The following GRM7 variants were observed in gnomAD, a reference collection of about 807,000 sequenced individuals.
GRM7 encodes the protein metabotropic glutamate receptor 7.
A neutral mutation model predicts 84.5 loss-of-function variants in GRM7; 35 were observed. The observed-to-expected ratio is 0.41, with a 90% CI of 0.32 to 0.55. The LOEUF (loss-of-function observed/expected upper bound fraction) is 0.55. Among genes scored for constraint, GRM7 ranks in the 20% least tolerant of loss-of-function variants. GRM7 has a pLI of 0.19. For synonymous variants in GRM7, 487 were observed against 455.1 expected (o/e 1.07, Z -0.89); for missense variants, 1,003 against 1,194.6 (o/e 0.84, Z 2.36).
chr3:6,934,953 A>G (rs1199851343), intron 1 of GRM7, among the ~76,000 whole-genome samples: 4 of 152,226 alleles, frequency 2.6e-5, no homozygotes, highest in African/African-American at 9.6e-5. Context: ...CAAGGTTCTC[A>G]GTGAACACTA....
chr3:7,103,806 C>CTT (rs754548402), intron 1 of GRM7, among the ~76,000 whole-genome samples: 1 of 108,038 alleles, frequency 9.3e-6, no homozygotes, highest in South Asian at 2.9e-4. Flanking sequence ...TTCTTTCTTT[C>CTT]TTTCTTTCTT....
chr3:7,385,289 A>ATTTTTTTTTTTTTTTTTT lies in GRM7; in HGVS notation c.1034-29722_1034-29705dup, dbSNP rs574917994. On this transcript the variant is annotated intron_variant, in intron 4 of 9. Coordinates refer to ENST00000357716, the MANE Select transcript of GRM7 (RefSeq NM_000844.4). Reference sequence around the variant, plus strand: ...TTTGTGGAATCTTATTTCTATATGGATTTTTTTTTTTTTTTTTTTTTTTTT... The same window carrying ATTTTTTTTTTTTTTTTTT: ...TTTGTGGAATCTTATTTCTATATGGATTTTTTTTTTTTTTTTTTTTTTTTTTTTTTTTTTTTTTTTTTT... Among the ~76,000 whole-genome samples, 3 of 67,262 alleles carry ATTTTTTTTTTTTTTTTTT rather than the reference A, an allele frequency of 4.5e-5. 1 individual carries two copies. Among genetic ancestry groups the ATTTTTTTTTTTTTTTTTT allele is most frequent in the Admixed American group, 4.9e-4 (2 of 4,064 alleles). The allele number at this position is 67,262 out of a possible 152,430, so 44.1% of individuals were successfully genotyped here.
chr3:7,469,100 G>C (rs912727025), intron 7 of GRM7, among the ~76,000 whole-genome samples: 2 of 152,106 alleles, frequency 1.3e-5, no homozygotes, highest in Admixed American at 1.3e-4. Flanking sequence ...AGGATAACTA[G>C]GTAAACAGAC....
intron 1 of GRM7, among the ~76,000 whole-genome samples, chr3:7,016,353 G>T (rs944101835): frequency 6.6e-6 from 1 of 152,312 alleles, no homozygotes; most frequent in African/African-American, 2.4e-5. Context: ...AGAGATAGGA[G>T]ATCAGTTTGA....
rs571326784 is a variant in GRM7 at position 7,208,972 on chromosome 3, C to G, written c.736+62304C>G. Among the ~76,000 whole-genome samples the G allele has an allele frequency of 2.0e-5, 3 of 152,274 alleles. No individual in the cohort carries two copies. The South Asian group carries it at 6.2e-4, about 32-fold the overall frequency. ...CCTTGACTTACGATGGGATTATGTC[C>G]TGATAAAACCATCATAAGTTGAAAA... On this transcript the variant is annotated intron_variant, in intron 2 of 9. Transcript: ENST00000357716.
chr3:7,353,075 G>C (rs1333829632), intron 4 of GRM7, among the ~76,000 whole-genome samples: 1 of 152,052 alleles, frequency 6.6e-6, no homozygotes, highest in East Asian at 1.9e-4. Context: ...GGCTGTGTAT[G>C]TGCAGTAGTG....
chr3:7,502,742 C>A (rs1444178771), intron 7 of GRM7, among the ~76,000 whole-genome samples: 2 of 152,118 alleles, frequency 1.3e-5, no homozygotes, highest in Admixed American at 1.3e-4. Context: ...CACTAAAATC[C>A]TTCTCTACTG....
At chr3:6,874,114 A>T (rs1218567543) in intron 1 of GRM7, among the ~76,000 whole-genome samples, 1 of 152,194 alleles carries the variant, frequency 6.6e-6, no homozygotes, top group Non-Finnish European at 1.5e-5. Flanking sequence ...GAAAGAAATA[A>T]TAATATTAGG....
intron 1 of GRM7, among the ~76,000 whole-genome samples, chr3:6,935,351 C>CT (rs879629124): frequency 0.01 from 1,483 of 145,052 alleles, 8 homozygotes; most frequent in African/African-American, 0.023. Flanking sequence ...AGCTGCTAGG[C>CT]TTTTTTTTTT....
At chr3:7,649,377 C>A (rs750466699) in intron 8 of GRM7, among the ~76,000 whole-genome samples, 2 of 152,068 alleles carry the variant, frequency 1.3e-5, no homozygotes, top group Non-Finnish European at 2.9e-5. Context: ...TGTGAGCCAC[C>A]GCGCCCAGCC....
chr3:7,207,336 A>G (rs1329090551), intron 2 of GRM7, among the ~76,000 whole-genome samples: 1 of 152,188 alleles, frequency 6.6e-6, no homozygotes, highest in African/African-American at 2.4e-5. Flanking sequence ...AGGAGCTTGC[A>G]AAGTGGCCCG....
Position 7,353,916 on chromosome 3 carries a change from T to A in GRM7, c.1033+47264T>A, listed in dbSNP as rs544600073. ...TAGACCTGTGGCATTGGCTAATTAA[T>A]CATGGTGTTTCTATAAGTGAAAAAG... On this transcript the variant is annotated intron_variant, in intron 4 of 9. Transcript: ENST00000357716. Among the ~76,000 whole-genome samples the A allele has an allele frequency of 7.7e-4, 117 of 152,246 alleles. 5 individuals are homozygous for A. The South Asian group carries it at 0.024, about 31-fold the overall frequency.
chr3:7,443,511 TTTCCCTCC>T, intron 5 of GRM7, among the ~76,000 whole-genome samples: 1 of 152,252 alleles, frequency 6.6e-6, no homozygotes, highest in African/African-American at 2.4e-5. Flanking sequence ...TCTAAATATG[TTTCCCTCC>T]GTTCTTTTAC....
At chr3:7,419,966 C>A (rs1409845411) in intron 5 of GRM7, among the ~76,000 whole-genome samples, 1 of 152,260 alleles carries the variant, frequency 6.6e-6, no homozygotes, top group Non-Finnish European at 1.5e-5. Context: ...GGAAAGATAT[C>A]AAGGGCTAAA....
At chr3:6,930,980 C>G (rs9831072) in intron 1 of GRM7, among the ~76,000 whole-genome samples, 332 of 152,296 alleles carry the variant, frequency 2.2e-3, no homozygotes, top group African/African-American at 7.6e-3. Flanking sequence ...GATGCCCCAT[C>G]CTTTCCCACT....
rs533286032 is a variant in GRM7 at position 7,430,763 on chromosome 3, A to T, written c.1174+15600A>T. ...TAGAAGCACTGATTATCTTTTCGAG[A>T]TGTTTCTGTAGCAAATAGTCTCAGA... is the stretch of plus-strand genomic sequence containing the variant. On this transcript the variant is annotated intron_variant, in intron 5 of 9. Coordinates refer to ENST00000357716, the MANE Select transcript of GRM7 (RefSeq NM_000844.4). 1.1e-4 allele frequency among the ~76,000 whole-genome samples: 16 copies of T among 152,260 alleles called. No homozygotes were observed. In the South Asian group the frequency reaches 3.3e-3, roughly 32 times the overall value.
At chr3:7,511,512 G>A (rs1032512342) in intron 7 of GRM7, among the ~76,000 whole-genome samples, 1 of 150,196 alleles carries the variant, frequency 6.7e-6, no homozygotes, top group Non-Finnish European at 1.5e-5. Flanking sequence ...ATTACAGACT[G>A]TGTTTGCATT....
chr3:7,248,616 G>T (rs1697862956), intron 2 of GRM7, among the ~76,000 whole-genome samples: 1 of 152,042 alleles, frequency 6.6e-6, no homozygotes, highest in Admixed American at 6.6e-5. Flanking sequence ...TGAAAAAAAA[G>T]ATTGTTGAGA....
intron 5 of GRM7, among the ~76,000 whole-genome samples, chr3:7,443,359 G>C (rs1034266369): frequency 6.6e-6 from 1 of 151,960 alleles, no homozygotes; most frequent in Non-Finnish European, 1.5e-5. Context: ...ACACACAAAA[G>C]ACAATAGTTC....
Sources: allele counts gnomAD v4.1 joint callset (sites outside exome capture counted in the v4.1 genomes callset), GRCh38; gene constraint gnomAD v4.1.1; transcripts MANE v1.5; gene names NCBI Gene and HGNC (gene_info 2026-07-23, HGNC 2026-07-21).